The following RHBDD1 variants were observed in gnomAD, a reference collection of about 807,000 sequenced individuals.
RHBDD1 encodes the protein rhomboid domain containing 1.
In RHBDD1, 38 loss-of-function variants were observed where a neutral mutation model predicts 36.3. The ratio of observed to expected loss-of-function variants is 1.05; its 90% CI spans 0.81 to 1.37. The LOEUF is 1.37. Among genes scored for constraint, RHBDD1 ranks in the 40% most tolerant of loss-of-function variants. The probability of loss-of-function intolerance (pLI) is 0.00; values close to 1 mark genes in which losing one functional copy is unlikely to be tolerated. For missense variants in RHBDD1, 393 were observed against 377.6 expected (o/e 1.04, Z -0.34); for synonymous variants, 151 against 136.5 (o/e 1.11, Z -0.74).
intron 8 of RHBDD1, chr2:226,988,207 A>G (rs1957423778): frequency 4.8e-6 from 4 of 834,374 alleles, no homozygotes; most frequent in Non-Finnish European, 7.3e-6. Flanking sequence ...AACTTACCCA[A>G]AGACAGTCTC....
chr2:226,812,347 T>C, the RHBDD1 span, among the ~76,000 whole-genome samples: 2 of 152,232 alleles, frequency 1.3e-5, no homozygotes, highest in Non-Finnish European at 2.9e-5. Context: ...ACAAGAAGTA[T>C]AAAAATTTTG....
At chr2:226,878,229 A>T (rs1170678875) in intron 5 of RHBDD1, among the ~76,000 whole-genome samples, 1 of 151,160 alleles carries the variant, frequency 6.6e-6, no homozygotes, top group Admixed American at 6.6e-5. Flanking sequence ...GGGAAGCAGT[A>T]GAATATGTAC....
At chr2:226,866,150 A>G (rs1367290728) in intron 4 of RHBDD1, among the ~76,000 whole-genome samples, 4 of 152,088 alleles carry the variant, frequency 2.6e-5, no homozygotes, top group Non-Finnish European at 4.4e-5. Flanking sequence ...GGCTCACTGC[A>G]ACCTCCGCCT....
chr2:226,869,249 C>A, intron 5 of RHBDD1: 1 of 911,652 alleles, frequency 1.1e-6, no homozygotes, highest in Non-Finnish European at 1.3e-6. Context: ...ATGAAATTTC[C>A]TGTCTTTGAA....
chr2:226,891,787 T>A (rs1019441808), intron 5 of RHBDD1, among the ~76,000 whole-genome samples: 1 of 152,234 alleles, frequency 6.6e-6, no homozygotes, highest in Non-Finnish European at 1.5e-5. Context: ...ATCAGATAGC[T>A]TCTAATATTT....
intron 3 of RHBDD1, among the ~76,000 whole-genome samples, chr2:226,858,236 C>T (rs1403883191): frequency 6.6e-6 from 1 of 152,078 alleles, no homozygotes; most frequent in East Asian, 1.9e-4. Context: ...TGAAACTTAC[C>T]AAAGGCATGA....
chr2:226,945,296 G>T (rs919848170), intron 8 of RHBDD1, among the ~76,000 whole-genome samples: 5 of 151,778 alleles, frequency 3.3e-5, no homozygotes, highest in African/African-American at 1.2e-4. Flanking sequence ...TCTCCTAATG[G>T]TATCCCTCCC....
intron 8 of RHBDD1, among the ~76,000 whole-genome samples, chr2:226,953,893 C>G (rs1399083595): frequency 6.6e-6 from 1 of 152,184 alleles, no homozygotes; most frequent in African/African-American, 2.4e-5. Context: ...AGCAGGACAT[C>G]TCTGCCATTT....
At chr2:226,824,119 C>T in the RHBDD1 span, among the ~76,000 whole-genome samples, 2 of 152,072 alleles carry the variant, frequency 1.3e-5, no homozygotes. Context: ...TATCCATATA[C>T]ACACATTATA....
chr2:226,952,476 T>G (rs1203394898), intron 8 of RHBDD1, among the ~76,000 whole-genome samples: 1 of 152,250 alleles, frequency 6.6e-6, no homozygotes, highest in East Asian at 1.9e-4. Flanking sequence ...TTTTGAATTT[T>G]TAGTAGAGAC....
intron 6 of RHBDD1, among the ~76,000 whole-genome samples, chr2:226,907,223 C>T (rs1391262494): frequency 6.6e-6 from 1 of 152,144 alleles, no homozygotes; most frequent in African/African-American, 2.4e-5. Flanking sequence ...CTATAATAGT[C>T]CATGAATTAA....
chr2:226,983,912 A>G (rs1041468843), intron 8 of RHBDD1, among the ~76,000 whole-genome samples: 9 of 152,196 alleles, frequency 5.9e-5, no homozygotes, highest in Admixed American at 5.2e-4. Context: ...AGCTGAACAG[A>G]AGATTTGAGA....
At chr2:226,931,838 C>A (rs1212512026) in intron 8 of RHBDD1, among the ~76,000 whole-genome samples, 2 of 151,178 alleles carry the variant, frequency 1.3e-5, no homozygotes, top group Non-Finnish European at 2.9e-5. Flanking sequence ...TGCCTTTCTG[C>A]ATGAATTTCA....
chr2:226,935,158 A>G (rs1950260516), intron 8 of RHBDD1: 1 of 152,160 alleles, frequency 6.6e-6, no homozygotes, highest in African/African-American at 2.4e-5. Context: ...ATATACTACA[A>G]AAGTCTTGGC....
chr2:226,993,229 C>T (rs187219535), intron 8 of RHBDD1, among the ~76,000 whole-genome samples: 3 of 152,316 alleles, frequency 2.0e-5, no homozygotes, highest in Admixed American at 2.0e-4. Context: ...CTAAAGAAAA[C>T]ACCAGAGGAC....
At chr2:226,813,357 T>C in the RHBDD1 span, among the ~76,000 whole-genome samples, 1 of 152,206 alleles carries the variant, frequency 6.6e-6, no homozygotes, top group Non-Finnish European at 1.5e-5. Context: ...AGCCATTGAA[T>C]CAGGACAATG....
Position 226,865,072 on chromosome 2 carries a change from G to A in RHBDD1, c.379G>A (p.Ala127Thr). Residue 127 changes from alanine to threonine, a missense_variant, in exon 4 of 9, where the codon GCC (alanine) becomes ACC (threonine). Transcript: ENST00000392062. ...VVYLLLQFAVAEFMDEPDFKR... is the reference protein window; with the variant it reads ...VVYLLLQFAVTEFMDEPDFKR... ...ATACCTGCTCTTGCAATTTGCTGTT[G>A]CCGAATTTATGGATGAACCTGACTT... 1 of 1,614,152 alleles carries A rather than the reference G, an allele frequency of 6.2e-7. No individual in the cohort carries two copies. The highest frequency in any genetic ancestry group is 8.5e-7 in the Non-Finnish European group (1 of 1,180,022).
chr2:226,867,751 C>T, intron 5 of RHBDD1: 1 of 783,326 alleles, frequency 1.3e-6, no homozygotes, highest in Non-Finnish European at 1.5e-6. Context: ...TGGAGTCTCG[C>T]TCTGTTACCC....
chr2:226,872,855 A>G (rs1406732704), intron 5 of RHBDD1, among the ~76,000 whole-genome samples: 1 of 152,264 alleles, frequency 6.6e-6, no homozygotes, highest in East Asian at 1.9e-4. Flanking sequence ...AAACACAGGA[A>G]TTCTGATAAA....
Sources: gnomAD v4.1 joint callset for allele counts (sites outside exome capture counted in the v4.1 genomes callset) on GRCh38, gnomAD v4.1.1 for gene constraint, MANE v1.5 for transcripts, NCBI Gene and HGNC (gene_info 2026-07-23, HGNC 2026-07-21) for gene names.